The following PLXDC2 variants were observed in gnomAD, a reference collection of about 807,000 sequenced individuals.
PLXDC2 encodes plexin domain-containing protein 2.
Under a neutral mutation model 68.9 loss-of-function variants are expected in PLXDC2, and 40 were observed. That is an observed-to-expected ratio of 0.58 (90% CI 0.45 to 0.76). The LOEUF (loss-of-function observed/expected upper bound fraction) is 0.76. PLXDC2 is among the 30% of genes least tolerant of loss of function. The probability of loss-of-function intolerance (pLI) is 0.00; values close to 1 mark genes in which losing one functional copy is unlikely to be tolerated. For synonymous variants in PLXDC2, 243 were observed against 234.2 expected (o/e 1.04, Z -0.34); for missense variants, 644 against 661.9 (o/e 0.97, Z 0.30).
intron 7 of PLXDC2, among the ~76,000 whole-genome samples, chr10:20,169,133 A>G (rs1697849756): frequency 6.6e-6 from 1 of 152,176 alleles, no homozygotes. Context: ...TATCAGTAAA[A>G]TGGTGCTAAA....
chr10:20,268,054 G>T (rs778189224), intron 13 of PLXDC2, among the ~76,000 whole-genome samples: 132 of 152,046 alleles, frequency 8.7e-4, no homozygotes, highest in Admixed American at 1.7e-3. Context: ...ATTAAACACT[G>T]TTATTAGTCA....
rs7902137 is a variant in PLXDC2 at position 19,856,223 on chromosome 10, A to G, written c.112+39032A>G. On this transcript the variant is annotated intron_variant, in intron 1 of 13. Coordinates refer to ENST00000377252, the MANE Select transcript of PLXDC2 (RefSeq NM_032812.9). ...AATAGTGTAGAATGTTTTGTGAACTATTTATTGTTTACATATATATGCTTT... is the reference window on the plus strand; with the variant it reads ...AATAGTGTAGAATGTTTTGTGAACTGTTTATTGTTTACATATATATGCTTT... 7.6e-3 allele frequency among the ~76,000 whole-genome samples: 1,162 copies of G among 152,152 alleles called. 21 individuals carry two copies. The highest frequency in any genetic ancestry group is 0.027 in the African/African-American group (1,102 of 41,518).
intron 1 of PLXDC2, among the ~76,000 whole-genome samples, chr10:19,829,192 T>C (rs1276760029): frequency 7.0e-6 from 1 of 142,604 alleles, no homozygotes; most frequent in African/African-American, 2.6e-5. Context: ...CTTTTTGTCC[T>C]TCAGATCTCC....
chr10:19,988,083 G>A (rs923116300), intron 1 of PLXDC2, among the ~76,000 whole-genome samples: 2 of 151,976 alleles, frequency 1.3e-5, no homozygotes, highest in Admixed American at 6.6e-5. Flanking sequence ...TTTGTCCTTG[G>A]TTTGGCTGGA....
At chr10:20,243,884 C>A (rs771934972) in intron 12 of PLXDC2, among the ~76,000 whole-genome samples, 3 of 152,016 alleles carry the variant, frequency 2.0e-5, no homozygotes, top group Non-Finnish European at 4.4e-5. Flanking sequence ...CATGGTTTAA[C>A]CCCATCTCTA....
chr10:20,082,956 T>A (rs1836597064), intron 4 of PLXDC2, among the ~76,000 whole-genome samples: 1 of 152,110 alleles, frequency 6.6e-6, no homozygotes, highest in African/African-American at 2.4e-5. Flanking sequence ...TATATGTATG[T>A]ATGTATGTAT....
chr10:20,208,323 C>A (rs1412078082), intron 9 of PLXDC2, among the ~76,000 whole-genome samples: 1 of 152,022 alleles, frequency 6.6e-6, no homozygotes, highest in Non-Finnish European at 1.5e-5. Flanking sequence ...ATGGTGCAGA[C>A]AAGAAAGAAT....
At chr10:20,082,070 A>AAC (rs1554765385) in intron 4 of PLXDC2, among the ~76,000 whole-genome samples, 23 of 121,992 alleles carry the variant, frequency 1.9e-4, no homozygotes, top group East Asian at 1.8e-3. Flanking sequence ...AAATCAAAAA[A>AAC]AAAAAACAGG....
At position 19,994,277 on chromosome 10, in the gene PLXDC2, A is replaced by T. The variant is rs1378198462; in HGVS notation, c.113-7498A>T. 3.0e-3 allele frequency among the ~76,000 whole-genome samples: 176 copies of T among 58,448 alleles called. 3 individuals carry two copies. Among genetic ancestry groups the T allele is most frequent in the Non-Finnish European group, 5.1e-3 (128 of 24,876 alleles). The allele number at this position is 58,448 out of a possible 152,430, so 38.3% of individuals were successfully genotyped here. On this transcript the variant is annotated intron_variant, in intron 1 of 13. Coordinates refer to ENST00000377252, the MANE Select transcript of PLXDC2 (RefSeq NM_032812.9). ...CCTTTTTTTTTTTTTTTTTTTTTTTAACCATTTTCTCTGACTACTTGGAAA... is the reference window on the plus strand; with the variant it reads ...CCTTTTTTTTTTTTTTTTTTTTTTTTACCATTTTCTCTGACTACTTGGAAA...
rs1480751895 is a variant in PLXDC2 at position 20,289,412 on chromosome 10, C to T, written c.*9593C>T. 2 of 152,180 alleles carry T rather than the reference C, an allele frequency of 1.3e-5. No homozygotes were observed. The highest frequency in any genetic ancestry group is 4.8e-5 in the African/African-American group (2 of 41,426). The allele number at this position is 152,180 out of a possible 1,614,324, so 9.4% of individuals were successfully genotyped here. ...TAAGTCAAGGTACTTCAGTTCAGCT[C>T]TTGCCTCTGTCACTAATCTTGCTTT... On this transcript the variant is annotated 3_prime_UTR_variant, in exon 14 of 14. Coordinates refer to ENST00000377252, the MANE Select transcript of PLXDC2 (RefSeq NM_032812.9).
intron 4 of PLXDC2, among the ~76,000 whole-genome samples, chr10:20,105,219 G>A (rs903590982): frequency 5.9e-5 from 9 of 152,102 alleles, no homozygotes; most frequent in South Asian, 4.1e-4. Context: ...ATTCATTTTC[G>A]TATTACTGCT....
intron 3 of PLXDC2, among the ~76,000 whole-genome samples, chr10:20,060,263 A>G (rs986061387): frequency 4.1e-5 from 6 of 146,658 alleles, no homozygotes; most frequent in African/African-American, 1.5e-4. Context: ...CCTGGCCTCA[A>G]GTGATCCTCC....
intron 2 of PLXDC2, among the ~76,000 whole-genome samples, chr10:20,003,071 G>A (rs781644018): frequency 1.3e-5 from 2 of 152,146 alleles, no homozygotes. Flanking sequence ...TGCAGAGGGT[G>A]CATTTTAGGC....
chr10:20,024,661 T>C (rs1228616772), intron 2 of PLXDC2, among the ~76,000 whole-genome samples: 2 of 152,206 alleles, frequency 1.3e-5, no homozygotes, highest in African/African-American at 4.8e-5. Context: ...ATATATTGTG[T>C]CTGATACTCA....
intron 1 of PLXDC2, among the ~76,000 whole-genome samples, chr10:20,000,002 TC>T (rs1456141682): frequency 6.6e-6 from 1 of 152,190 alleles, no homozygotes; most frequent in African/African-American, 2.4e-5. Context: ...CCTGGATTCT[TC>T]CTTGCACAGT....
At chr10:19,896,555 G>T (rs774725212) in intron 1 of PLXDC2, among the ~76,000 whole-genome samples, 1 of 152,088 alleles carries the variant, frequency 6.6e-6, no homozygotes, top group African/African-American at 2.4e-5. Context: ...TATTAATATC[G>T]TCATAACAAG....
intron 1 of PLXDC2, among the ~76,000 whole-genome samples, chr10:19,864,779 G>C (rs1420504325): frequency 6.6e-6 from 1 of 152,200 alleles, no homozygotes; most frequent in Admixed American, 6.5e-5. Flanking sequence ...AACAAGTAAA[G>C]AGACTTTCTC....
intron 12 of PLXDC2, among the ~76,000 whole-genome samples, chr10:20,244,630 G>A (rs1012780279): frequency 6.6e-6 from 1 of 152,132 alleles, no homozygotes; most frequent in Non-Finnish European, 1.5e-5. Context: ...AAAGATGTCC[G>A]ATACTCTTTA....
At chr10:20,092,529 A>G (rs1318111020) in intron 4 of PLXDC2, among the ~76,000 whole-genome samples, 1 of 152,120 alleles carries the variant, frequency 6.6e-6, no homozygotes, top group African/African-American at 2.4e-5. Flanking sequence ...TAAATTTTGG[A>G]AATATATTTT....
Sources: allele counts gnomAD v4.1 joint callset (sites outside exome capture counted in the v4.1 genomes callset), GRCh38; gene constraint gnomAD v4.1.1; transcripts MANE v1.5; gene names NCBI Gene and HGNC (gene_info 2026-07-23, HGNC 2026-07-21).